The following SGCD variants were observed in gnomAD, a reference collection of about 807,000 sequenced individuals.
SGCD encodes the protein sarcoglycan delta.
In SGCD, 18 loss-of-function variants were observed where a neutral mutation model predicts 36.6. The observed-to-expected ratio is 0.49, with a 90% CI of 0.34 to 0.73. SGCD has a LOEUF of 0.73. SGCD is among the 30% of genes least tolerant of loss of function. The pLI is 0.01. For synonymous variants in SGCD, 133 were observed against 130.6 expected, an observed-to-expected ratio of 1.02 and a Z score of -0.12; for missense variants, 387 against 346.7, an observed-to-expected ratio of 1.12 and a Z score of -0.92.
intron 1 of SGCD, among the ~76,000 whole-genome samples, chr5:155,993,325 A>T (rs1489455622): frequency 6.7e-6 from 1 of 148,208 alleles, no homozygotes; most frequent in Non-Finnish European, 1.5e-5. Context: ...TTATTAATAC[A>T]AATCTGGGGT....
chr5:156,090,916 G>A (rs964513506), intron 1 of SGCD, among the ~76,000 whole-genome samples: 6 of 152,056 alleles, frequency 3.9e-5, no homozygotes, highest in East Asian at 3.9e-4. Flanking sequence ...TATTCTTCCC[G>A]ACCCCGCAGG....
At chr5:155,986,415 T>C (rs1043264474) in intron 1 of SGCD, among the ~76,000 whole-genome samples, 2 of 152,156 alleles carry the variant, frequency 1.3e-5, no homozygotes, top group Non-Finnish European at 1.5e-5. Flanking sequence ...AGGGAGCATG[T>C]GGGAAATAGT....
Position 156,759,753 on chromosome 5 carries a change from C to CACTG in SGCD, c.*366_*369dup, listed in dbSNP as rs1757465913. ...ATTCAGAATCACACAGCGTATTAAA[C>CACTG]ACTGACAGAATCTTCATCTAGATAT... On this transcript the variant is annotated 3_prime_UTR_variant, in exon 9 of 9. Transcript: ENST00000337851. 1 of 152,088 alleles carries CACTG rather than the reference C, an allele frequency of 6.6e-6. No individual in the cohort carries two copies. The highest frequency in any genetic ancestry group is 1.5e-5 in the Non-Finnish European group (1 of 68,050). The allele number at this position is 152,088 out of a possible 1,614,324, so 9.4% of individuals were successfully genotyped here. A position where few individuals can be genotyped will look rare whatever the true frequency, so the allele number is the denominator to read the frequency against.
At chr5:156,524,519 A>G (rs753572293) in intron 4 of SGCD, among the ~76,000 whole-genome samples, 8 of 151,610 alleles carry the variant, frequency 5.3e-5, no homozygotes, top group Non-Finnish European at 1.0e-4. Flanking sequence ...TTTAATATAC[A>G]TCATGAAATG....
chr5:156,732,239 T>C (rs1243068537), intron 7 of SGCD, among the ~76,000 whole-genome samples: 3 of 152,186 alleles, frequency 2.0e-5, no homozygotes, highest in Admixed American at 6.5e-5. Context: ...GGGGAAATAC[T>C]TCCAGCTTTT....
intron 3 of SGCD, among the ~76,000 whole-genome samples, chr5:156,159,539 G>T (rs1763041586): frequency 6.6e-6 from 1 of 151,428 alleles, no homozygotes; most frequent in African/African-American, 2.4e-5. Context: ...TTCAGAAGAG[G>T]CTGTATTTTT....
chr5:156,669,171 C>T (rs934839163), intron 7 of SGCD, among the ~76,000 whole-genome samples: 1 of 152,090 alleles, frequency 6.6e-6, no homozygotes, highest in Non-Finnish European at 1.5e-5. Flanking sequence ...GGGAGGCATA[C>T]CCAGACCTCA....
chr5:156,201,271 A>AC (rs1449083594), intron 3 of SGCD, among the ~76,000 whole-genome samples: 1 of 152,180 alleles, frequency 6.6e-6, no homozygotes, highest in Non-Finnish European at 1.5e-5. Context: ...AAATGGTATA[A>AC]TGGAGCATGA....
rs13189396 is a variant in SGCD, at chr5:156,677,273, C to T, written c.575+29737C>T. On this transcript the variant is annotated intron_variant, in intron 7 of 8. Transcript: ENST00000337851. ...AAGACTTAGAACCAACCCAAAGGTCCATCAATGATAGACTGGATGAAGAAA... is the reference window on the plus strand; with the variant it reads ...AAGACTTAGAACCAACCCAAAGGTCTATCAATGATAGACTGGATGAAGAAA... 8.0e-3 allele frequency among the ~76,000 whole-genome samples: 1,223 copies of T among 152,282 alleles called. 11 individuals carry two copies. Among genetic ancestry groups the T allele is most frequent in the Non-Finnish European group, 0.01 (697 of 68,030 alleles).
At chr5:156,301,151 T>G (rs1767044513) in intron 3 of SGCD, among the ~76,000 whole-genome samples, 1 of 152,058 alleles carries the variant, frequency 6.6e-6, no homozygotes. Flanking sequence ...CTAGTTCTAT[T>G]ATTGTCGTCT....
chr5:156,604,213 C>T (rs1761322118), intron 6 of SGCD, among the ~76,000 whole-genome samples: 3 of 151,736 alleles, frequency 2.0e-5, no homozygotes, highest in Admixed American at 6.6e-5. Context: ...TATGGCTACT[C>T]CTGCTTGCTT....
the SGCD span, among the ~76,000 whole-genome samples, chr5:155,833,068 A>AAAAAAG: frequency 7.0e-6 from 1 of 142,640 alleles, no homozygotes; most frequent in African/African-American, 2.6e-5. Context: ...AAAAAAAAAA[A>AAAAAAG]AAAGAAAAAA....
chr5:156,681,978 A>G (rs1309839090), intron 7 of SGCD, among the ~76,000 whole-genome samples: 2 of 152,086 alleles, frequency 1.3e-5, no homozygotes, highest in Non-Finnish European at 2.9e-5. Flanking sequence ...GAGGGCCAGC[A>G]TAATGAAGGA....
chr5:155,881,950 T>C (rs1046465432), intron 1 of SGCD, among the ~76,000 whole-genome samples: 1 of 152,158 alleles, frequency 6.6e-6, no homozygotes. Flanking sequence ...GCTCCACTTA[T>C]TCTAATTCTC....
chr5:156,241,248 A>G (rs1765296499), intron 3 of SGCD, among the ~76,000 whole-genome samples: 1 of 119,652 alleles, frequency 8.4e-6, no homozygotes, highest in African/African-American at 3.5e-5. Flanking sequence ...AATTAGACCA[A>G]AACGTGTGTG....
chr5:156,467,598 C>G (rs971669679), intron 3 of SGCD, among the ~76,000 whole-genome samples: 4 of 152,188 alleles, frequency 2.6e-5, no homozygotes, highest in Non-Finnish European at 5.9e-5. Flanking sequence ...TAGCTATGTT[C>G]TGCAACTATC....
intron 7 of SGCD, among the ~76,000 whole-genome samples, chr5:156,745,407 C>G (rs284439): frequency 6.6e-6 from 1 of 152,100 alleles, no homozygotes; most frequent in African/African-American, 2.4e-5. Flanking sequence ...AATTAGTTTA[C>G]GGTGGGTCCA....
chr5:156,276,009 G>T (rs539756981), intron 3 of SGCD, among the ~76,000 whole-genome samples: 79 of 152,228 alleles, frequency 5.2e-4, no homozygotes, highest in Non-Finnish European at 1.1e-3. Context: ...TATTCTTGAA[G>T]GTGGTGACAC....
At chr5:155,985,293 A>T (rs548615325) in intron 1 of SGCD, among the ~76,000 whole-genome samples, 4 of 152,102 alleles carry the variant, frequency 2.6e-5, no homozygotes, top group Admixed American at 2.6e-4. Context: ...GGTTGTTGGT[A>T]GGCCTCAATT....
Sources: allele counts gnomAD v4.1 joint callset (sites outside exome capture counted in the v4.1 genomes callset), GRCh38; gene constraint gnomAD v4.1.1; transcripts MANE v1.5; gene names NCBI Gene and HGNC (gene_info 2026-07-23, HGNC 2026-07-21).